Variants in PTPRJ observed in about 807,000 individuals in gnomAD.
The protein encoded by PTPRJ is receptor-type tyrosine-protein phosphatase eta.
Under a neutral mutation model 141.3 loss-of-function variants are expected in PTPRJ, and 129 were observed. The observed-to-expected ratio is 0.91, with a 90% CI of 0.79 to 1.06. The LOEUF is 1.06. Among genes scored for constraint, PTPRJ ranks in the 50% least tolerant of loss-of-function variants. The pLI is 0.00. For synonymous variants in PTPRJ, 610 were observed against 640.5 expected (o/e 0.95, Z 0.72); for missense variants, 1,601 against 1,679.7 (o/e 0.95, Z 0.82).
intron 19 of PTPRJ, among the ~76,000 whole-genome samples, chr11:48,155,290 C>T (rs1857574514): frequency 6.6e-6 from 1 of 152,140 alleles, no homozygotes; most frequent in African/African-American, 2.4e-5. Flanking sequence ...CCTACCCCGT[C>T]CTAGTGGAAG....
chr11:48,126,454 C>G (rs1856832425), intron 6 of PTPRJ, among the ~76,000 whole-genome samples: 1 of 152,010 alleles, frequency 6.6e-6, no homozygotes, highest in African/African-American at 2.4e-5. Context: ...TGGCCATGCA[C>G]TAGATGGCGT....
At chr11:48,147,365 C>T (rs191631365) in intron 15 of PTPRJ, among the ~76,000 whole-genome samples, 155 of 152,270 alleles carry the variant, frequency 1.0e-3, no homozygotes, top group African/African-American at 3.6e-3. Context: ...AATCATTGTG[C>T]CTAACTTGTG....
At chr11:47,985,934 C>G (rs1425292201) in intron 1 of PTPRJ, among the ~76,000 whole-genome samples, 2 of 152,132 alleles carry the variant, frequency 1.3e-5, no homozygotes, top group Non-Finnish European at 2.9e-5. Flanking sequence ...CTCCCAACCT[C>G]AGGTGATCCG....
chr11:48,083,280 C>T (rs1041712622), intron 1 of PTPRJ, among the ~76,000 whole-genome samples: 1 of 152,068 alleles, frequency 6.6e-6, no homozygotes, highest in East Asian at 1.9e-4. Context: ...AAAAAATTAG[C>T]TGAGCGTGGT....
At position 48,139,717 on chromosome 11, in the gene PTPRJ, C is replaced by T; in HGVS notation, c.2384C>T (p.Thr795Ile). 6.2e-7 allele frequency: 1 copy of T among 1,614,182 alleles called. No homozygotes were observed. The highest frequency in any genetic ancestry group is 1.3e-5 in the African/African-American group (1 of 75,038). The change falls in exon 11 of 25, where the codon ACT becomes ATT. Residue 795 changes from threonine (T) to isoleucine (I), a missense_variant. Transcript: ENST00000418331. ...ACCTCGTACAACATCAGCATCACCA[C>T]TGTGTCCTGTGGAAAGATGGCAGCC... ...FSTSYNISIT[T>I]VSCGKMAAPT... is the part of the protein sequence containing the mutation.
chr11:48,127,438 T>G (rs1454951073), intron 6 of PTPRJ, among the ~76,000 whole-genome samples: 1 of 152,056 alleles, frequency 6.6e-6, no homozygotes, highest in Non-Finnish European at 1.5e-5. Context: ...TGTTCGCTCT[T>G]GCATCATGTG....
intron 1 of PTPRJ, among the ~76,000 whole-genome samples, chr11:48,024,413 G>C (rs1282223698): frequency 6.6e-6 from 1 of 152,146 alleles, no homozygotes; most frequent in East Asian, 1.9e-4. Flanking sequence ...GGTCGGGCTG[G>C]TCTCGAACTC....
Position 48,062,121 on chromosome 11 carries a change from A to G in PTPRJ, c.97-47937A>G, listed in dbSNP as rs78065278. 4.7e-3 allele frequency among the ~76,000 whole-genome samples: 700 copies of G among 149,648 alleles called. 5 individuals carry two copies. Among genetic ancestry groups the G allele is most frequent in the African/African-American group, 0.017 (682 of 40,708 alleles). On this transcript the variant is annotated intron_variant, in intron 1 of 24. Transcript: ENST00000418331. ...GCTATGTTTCCCAGGCTGGTTTCTAACTCCTGGACTCAAGTGATCTGCCTG... is the reference window on the plus strand; with the variant it reads ...GCTATGTTTCCCAGGCTGGTTTCTAGCTCCTGGACTCAAGTGATCTGCCTG...
At chr11:48,162,057 A>G (rs1857797225) in intron 22 of PTPRJ, among the ~76,000 whole-genome samples, 1 of 152,050 alleles carries the variant, frequency 6.6e-6, no homozygotes, top group Non-Finnish European at 1.5e-5. Flanking sequence ...TACTATGATT[A>G]TTATTTTTTA....
At chr11:48,053,170 A>T (rs867919732) in intron 1 of PTPRJ, among the ~76,000 whole-genome samples, 43 of 109,510 alleles carry the variant, frequency 3.9e-4, no homozygotes, top group African/African-American at 1.4e-3. Context: ...TATATATATA[A>T]AAATATATAA....
Position 48,076,111 on chromosome 11 carries a change from A to C in PTPRJ, c.97-33947A>C, listed in dbSNP as rs568837319. On this transcript the variant is annotated intron_variant, in intron 1 of 24. Coordinates refer to ENST00000418331, the MANE Select transcript of PTPRJ (RefSeq NM_002843.4). ...GTGGCTTGACCTGGGTTCCAGTCTC[A>C]CCCATCTGTTTACCTGGGGAGTGAT... Among the ~76,000 whole-genome samples the C allele has an allele frequency of 2.6e-5, 4 of 152,220 alleles. No individual in the cohort carries two copies. In the South Asian group the frequency reaches 8.3e-4, roughly 32 times the overall value.
rs534267630 is a variant in PTPRJ at position 48,167,675 on chromosome 11, T to A, written c.*313T>A. On this transcript the variant is annotated 3_prime_UTR_variant, in exon 25 of 25. Coordinates refer to ENST00000418331, the MANE Select transcript of PTPRJ (RefSeq NM_002843.4). Reference sequence around the variant, plus strand: ...GCTATGATTTTTTTTTCCAAAACAATTTCTTTTTTAAAAAAGACTATTTTA... The same window carrying A: ...GCTATGATTTTTTTTTCCAAAACAAATTCTTTTTTAAAAAAGACTATTTTA... 1 of 229,122 alleles carries A rather than the reference T, an allele frequency of 4.4e-6. No homozygotes were observed. The highest frequency in any genetic ancestry group is 8.9e-5 in the East Asian group (1 of 11,184). 14.2% of individuals were successfully genotyped at this position (229,122 alleles called of 1,614,324 possible). A position where few individuals can be genotyped will look rare whatever the true frequency, so the allele number is the denominator to read the frequency against.
intron 1 of PTPRJ, among the ~76,000 whole-genome samples, chr11:48,100,923 A>G (rs1236825568): frequency 6.6e-6 from 1 of 151,700 alleles, no homozygotes; most frequent in Non-Finnish European, 1.5e-5. Flanking sequence ...TAGACTTCCA[A>G]GTGCCCATGT....
chr11:48,007,425 T>TG (rs1196346424), intron 1 of PTPRJ, among the ~76,000 whole-genome samples: 1 of 142,304 alleles, frequency 7.0e-6, no homozygotes, highest in Admixed American at 6.8e-5. Flanking sequence ...TTTTCTTTTC[T>TG]TTTTTTTTTC....
intron 1 of PTPRJ, among the ~76,000 whole-genome samples, chr11:48,043,362 A>G (rs1031701391): frequency 6.6e-6 from 1 of 152,140 alleles, no homozygotes; most frequent in African/African-American, 2.4e-5. Context: ...TACAGGCAGG[A>G]GCCACATTTC....
At chr11:48,017,987 A>T (rs1322004154) in intron 1 of PTPRJ, among the ~76,000 whole-genome samples, 1 of 152,234 alleles carries the variant, frequency 6.6e-6, no homozygotes, top group Non-Finnish European at 1.5e-5. Flanking sequence ...TGGCTCTGCC[A>T]GGCTGGGTTG....
In PTPRJ at chr11:48,146,943, C is replaced by T; in HGVS notation, c.2979C>T (p.Phe993=). The T allele has an allele frequency of 6.2e-7, 1 of 1,614,000 alleles. No homozygotes were observed. The highest frequency in any genetic ancestry group is 8.5e-7 in the Non-Finnish European group (1 of 1,179,926). Reference sequence around the variant, plus strand: ...TGGTTATTGTGACTGTGGGAGGCTTCATCTTCTGGAGAAAGAAGAGGTGAT... The same window carrying T: ...TGGTTATTGTGACTGTGGGAGGCTTTATCTTCTGGAGAAAGAAGAGGTGAT... ...GALVIVTVGG[F]IFWRKKRKDA... Residue 993 remains phenylalanine, a synonymous_variant, in exon 15 of 25, where the codon TTC becomes TTT. Transcript: ENST00000418331.
intron 1 of PTPRJ, among the ~76,000 whole-genome samples, chr11:48,008,400 C>T (rs1854681673): frequency 6.6e-6 from 1 of 151,728 alleles, no homozygotes; most frequent in African/African-American, 2.4e-5. Flanking sequence ...GCAGGGATTA[C>T]AGGCATGTGC....
At chr11:48,038,350 C>G (rs1854180305) in intron 1 of PTPRJ, among the ~76,000 whole-genome samples, 1 of 152,170 alleles carries the variant, frequency 6.6e-6, no homozygotes, top group South Asian at 2.1e-4. Flanking sequence ...TCTCGGGTTA[C>G]TGCATGAGAC....
Sources: allele counts gnomAD v4.1 joint callset (sites outside exome capture counted in the v4.1 genomes callset), GRCh38; gene constraint gnomAD v4.1.1; transcripts MANE v1.5; gene names NCBI Gene and HGNC (gene_info 2026-07-23, HGNC 2026-07-21).